Variants in DNAH11 observed in about 807,000 individuals in gnomAD.
DNAH11 encodes axonemal beta dynein heavy chain 11.
DNAH11 carries 442 observed loss-of-function variants against 526.0 expected under a neutral mutation model. The observed-to-expected ratio is 0.84, with a 90% CI of 0.78 to 0.91. The LOEUF (loss-of-function observed/expected upper bound fraction) is 0.91. Ranked by LOEUF, DNAH11 falls within the 40% of genes least tolerant of loss-of-function variation. The pLI is 0.00. For missense variants in DNAH11, 6,989 were observed against 5,448.7 expected (o/e 1.28, Z -8.90); for synonymous variants, 2,461 against 1,935.9 (o/e 1.27, Z -7.12).
intron 48 of DNAH11, among the ~76,000 whole-genome samples, 169 bp downstream of exon 48, chr7:21,739,842 T>C (rs752047198): frequency 3.3e-5 from 5 of 152,258 alleles, no homozygotes; most frequent in Admixed American, 1.3e-4. Flanking sequence ...CTTTTTGTTT[T>C]AATTGGTAGA....
At chr7:21,823,655 CATA>C (rs1180681247) in intron 65 of DNAH11, among the ~76,000 whole-genome samples, 1 of 151,900 alleles carries the variant, frequency 6.6e-6, no homozygotes, top group Non-Finnish European at 1.5e-5. Context: ...GCATAAGAAT[CATA>C]TACTATATGC....
chr7:21,639,153 T>C, intron 28 of DNAH11, 88 bp downstream of exon 28: 2 of 1,436,208 alleles, frequency 1.4e-6, no homozygotes, highest in South Asian at 1.5e-5. Flanking sequence ...CTACCTGTCA[T>C]GTCACGTGGG....
At chr7:21,543,919 C>T in intron 1 of DNAH11, 1 of 370,006 alleles carries the variant, frequency 2.7e-6, no homozygotes, top group South Asian at 4.3e-5. Context: ...CTTTCTGTGC[C>T]AAAAAACTTG....
rs764693880 is a variant in DNAH11 at position 21,687,059 on chromosome 7, CATATTA to C, written c.5622-39_5622-34del. Reference sequence around the variant, plus strand: ...TGCCTCTGATGTTTTATGAAAATCTCATATTAGACTGTGATGTTTGTGTTTTCTATT... The same window carrying C: ...TGCCTCTGATGTTTTATGAAAATCTCGACTGTGATGTTTGTGTTTTCTATT... On this transcript the variant is annotated intron_variant, in intron 32 of 81. Transcript: ENST00000409508. The C allele has an allele frequency of 1.1e-5, 17 of 1,570,894 alleles. No individual in the cohort carries two copies. The Admixed American group carries it at 3.2e-4, about 30-fold the overall frequency.
chr7:21,550,454 C>T lies in DNAH11; in HGVS notation c.495+5305C>T, dbSNP rs911036454. Among the ~76,000 whole-genome samples the T allele has an allele frequency of 5.9e-5, 9 of 152,196 alleles. No homozygotes were observed. The South Asian group carries it at 1.5e-3, about 25-fold the overall frequency. On this transcript the variant is annotated intron_variant, in intron 2 of 81. Transcript: ENST00000409508. ...ATAGTAGGGAGATGTCTAGCTGTGC[C>T]CAAATATAGGATCTCATATAATAAC...
intron 2 of DNAH11, among the ~76,000 whole-genome samples, chr7:21,552,108 C>T (rs910489813): frequency 5.3e-5 from 8 of 152,228 alleles, no homozygotes; most frequent in Middle Eastern, 3.4e-3. Flanking sequence ...TCCCTCTTCC[C>T]TCCCCAGGTT....
intron 35 of DNAH11, among the ~76,000 whole-genome samples, chr7:21,692,270 T>C (rs1341734148): frequency 6.6e-6 from 1 of 152,196 alleles, no homozygotes; most frequent in Non-Finnish European, 1.5e-5. Flanking sequence ...GTACAGTTGG[T>C]GAAAGCATAA....
intron 6 of DNAH11, among the ~76,000 whole-genome samples, chr7:21,566,881 A>T (rs900043365): frequency 1.3e-5 from 2 of 152,174 alleles, no homozygotes; most frequent in Non-Finnish European, 2.9e-5. Flanking sequence ...TATACATTTT[A>T]TCATGCATAC....
chr7:21,900,942 T>TAC lies in DNAH11; in HGVS notation c.13304-65_13304-64insAC, dbSNP rs1784781151. ...TTGAATGTTTATTGCATCAAACAAC[T>TAC]TACTTGATCATTATCATTAGTAGCA... On this transcript the variant is annotated intron_variant, in intron 81 of 81. Transcript: ENST00000409508. 1.2e-3 allele frequency: 22 copies of TAC among 18,926 alleles called. No individual in the cohort carries two copies. In the Non-Finnish European group the frequency reaches 0.02, roughly 17 times the overall value. The allele number at this position is 18,926 out of a possible 1,614,324, so 1.2% of individuals were successfully genotyped here.
intron 32 of DNAH11, 114 bp downstream of exon 32, chr7:21,684,058 T>G: frequency 8.8e-7 from 1 of 1,139,064 alleles, no homozygotes; most frequent in Non-Finnish European, 1.2e-6. Flanking sequence ...TATGTGAAAG[T>G]GGTGAAGAGA....
intron 30 of DNAH11, 132 bp from the exon 31 acceptor site, chr7:21,681,414 G>A: frequency 1.1e-6 from 1 of 911,054 alleles, no homozygotes; most frequent in Non-Finnish European, 1.6e-6. Context: ...GTGACAGAGT[G>A]AGACTCCATC....
chr7:21,868,910 G>C lies in DNAH11; in HGVS notation c.11886G>C (p.Val3962=). The C allele has an allele frequency of 6.2e-7, 1 of 1,614,014 alleles. No homozygotes were observed. The change falls in exon 73 of 82, where the codon GTG becomes GTC. Residue 3962 remains valine (V), a synonymous_variant. Coordinates refer to ENST00000409508, the MANE Select transcript of DNAH11 (RefSeq NM_001277115.2). ...FTIDSGKFHN[V]SLGQGQETVA... ...TTGACTCTGGAAAATTCCACAATGT[G>C]TCTTTAGGACAAGGTCAGGAGACGG...
chr7:21,699,199 G>A (rs976779900), intron 36 of DNAH11, among the ~76,000 whole-genome samples: 2 of 151,978 alleles, frequency 1.3e-5, no homozygotes, highest in Admixed American at 6.6e-5. Flanking sequence ...TCATTTATTG[G>A]TAATTCTTTA....
At chr7:21,829,984 T>C (rs554781211) in intron 65 of DNAH11, among the ~76,000 whole-genome samples, 25 of 152,342 alleles carry the variant, frequency 1.6e-4, no homozygotes, top group African/African-American at 5.8e-4. Flanking sequence ...GTAACGACTT[T>C]CCGTGATTTG....
chr7:21,725,652 C>T (rs1358879321), intron 44 of DNAH11, among the ~76,000 whole-genome samples, 159 bp from the exon 45 acceptor site: 1 of 152,120 alleles, frequency 6.6e-6, no homozygotes, highest in African/African-American at 2.4e-5. Flanking sequence ...CTAACTTTAC[C>T]TTGCTTTTTA....
At chr7:21,663,004 G>A (rs1051714539) in intron 30 of DNAH11, among the ~76,000 whole-genome samples, 1 of 151,816 alleles carries the variant, frequency 6.6e-6, no homozygotes, top group African/African-American at 2.4e-5. Flanking sequence ...CCCAGTCTCC[G>A]TTGTCTGTCA....
At chr7:21,713,542 C>A (rs953982122) in intron 42 of DNAH11, among the ~76,000 whole-genome samples, 1 of 152,176 alleles carries the variant, frequency 6.6e-6, no homozygotes, top group Non-Finnish European at 1.5e-5. Context: ...GGCATAGATA[C>A]AATACCCATT....
At chr7:21,830,837 CAT>C (rs1293872413) in intron 65 of DNAH11, among the ~76,000 whole-genome samples, 1 of 152,094 alleles carries the variant, frequency 6.6e-6, no homozygotes, top group African/African-American at 2.4e-5. Flanking sequence ...TTTATGTACT[CAT>C]AATAGGTACT....
intron 81 of DNAH11, 69 bp from the exon 82 acceptor site, chr7:21,900,938 C>A: frequency 7.2e-7 from 1 of 1,388,918 alleles, no homozygotes; most frequent in Non-Finnish European, 9.4e-7. Context: ...TTGCATCAAA[C>A]AACTTACTTG....
Sources: allele counts gnomAD v4.1 joint callset (sites outside exome capture counted in the v4.1 genomes callset), GRCh38; gene constraint gnomAD v4.1.1; transcripts MANE v1.5; gene names NCBI Gene and HGNC (gene_info 2026-07-23, HGNC 2026-07-21).